Variants in PDZD8 observed in about 807,000 individuals in gnomAD.
The protein encoded by PDZD8 is PDZ domain-containing protein 8.
Under a neutral mutation model 85.8 loss-of-function variants are expected in PDZD8, and 14 were observed. The ratio of observed to expected loss-of-function variants is 0.16; its 90% CI spans 0.11 to 0.26. PDZD8 has a LOEUF of 0.26. PDZD8 is among the 10% of genes least tolerant of loss of function. The probability of loss-of-function intolerance (pLI) is 1.00; values close to 1 mark genes in which losing one functional copy is unlikely to be tolerated. For missense variants in PDZD8, 1,197 were observed against 1,424.3 expected (o/e 0.84, Z 2.57); for synonymous variants, 592 against 568.6 (o/e 1.04, Z -0.59).
chr10:117,296,909 TA>T (rs758852601), intron 3 of PDZD8, among the ~76,000 whole-genome samples: 6 of 152,060 alleles, frequency 3.9e-5, no homozygotes, highest in African/African-American at 1.4e-4. Flanking sequence ...ACAAACAGTA[TA>T]AATCTATAAA....
At chr10:117,293,848 C>A (rs887454296) in intron 3 of PDZD8, among the ~76,000 whole-genome samples, 10 of 152,064 alleles carry the variant, frequency 6.6e-5, no homozygotes, top group African/African-American at 2.4e-4. Flanking sequence ...AAAGACAGAA[C>A]TCTTACAAAG....
chr10:117,312,804 C>T (rs561971597), intron 3 of PDZD8, among the ~76,000 whole-genome samples: 9 of 152,108 alleles, frequency 5.9e-5, no homozygotes, highest in South Asian at 2.1e-4. Flanking sequence ...ATCTCATTTC[C>T]GTGTTAATTT....
At chr10:117,286,018 T>C (rs363241) in intron 4 of PDZD8, among the ~76,000 whole-genome samples, 30,962 of 152,242 alleles carry the variant, frequency 0.2, 4,224 homozygotes, top group Non-Finnish European at 0.31. Flanking sequence ...ATTCTTTTTA[T>C]CAACCGTACC....
chr10:117,375,087 G>A lies in PDZD8; in HGVS notation c.141C>T (p.Tyr47=), dbSNP rs1201708144. 1.3e-6 allele frequency: 2 copies of A among 1,599,376 alleles called. No individual in the cohort carries two copies. The highest frequency in any genetic ancestry group is 1.7e-6 in the Non-Finnish European group (2 of 1,177,168). The stretch of plus-strand genomic sequence containing the variant: ...GGAGCAGGCCCGGCACTGGCTTGAT[G>A]TAGCGGAAGCCCTCGCCCGCGCGGG... ...EAARAGEGFR[Y]IKPVPGLLLR... is the part of the protein sequence containing the mutation. The change falls in exon 1 of 5, where the codon TAC becomes TAT. Residue 47 remains tyrosine (Y), a synonymous_variant. Coordinates refer to ENST00000334464, the MANE Select transcript of PDZD8 (RefSeq NM_173791.5).
At chr10:117,304,071 C>T (rs1342294242) in intron 3 of PDZD8, among the ~76,000 whole-genome samples, 1 of 152,168 alleles carries the variant, frequency 6.6e-6, no homozygotes, top group East Asian at 1.9e-4. Flanking sequence ...ACAGCTTGTA[C>T]CATAAGCCTG....
intron 1 of PDZD8, among the ~76,000 whole-genome samples, chr10:117,365,377 T>G (rs1439809953): frequency 6.6e-6 from 1 of 152,166 alleles, no homozygotes; most frequent in Non-Finnish European, 1.5e-5. Flanking sequence ...TTGAGTATGA[T>G]CCTGCCTTTA....
chr10:117,306,149 G>T (rs1000372655), intron 3 of PDZD8, among the ~76,000 whole-genome samples: 1 of 152,102 alleles, frequency 6.6e-6, no homozygotes, highest in African/African-American at 2.4e-5. Flanking sequence ...TGATAACTTG[G>T]TTTCTAAAGC....
intron 3 of PDZD8, among the ~76,000 whole-genome samples, chr10:117,306,287 T>G (rs1425958995): frequency 6.6e-6 from 1 of 152,178 alleles, no homozygotes; most frequent in Non-Finnish European, 1.5e-5. Context: ...ATCTAAGGAA[T>G]AAAAATGATC....
intron 3 of PDZD8, among the ~76,000 whole-genome samples, chr10:117,292,320 C>A (rs148915947): frequency 1.3e-5 from 2 of 152,294 alleles, no homozygotes; most frequent in East Asian, 3.9e-4. Flanking sequence ...CCAATCCCTG[C>A]CTTATGACAC....
chr10:117,323,382 G>C (rs1435520864), intron 2 of PDZD8, among the ~76,000 whole-genome samples: 1 of 152,058 alleles, frequency 6.6e-6, no homozygotes, highest in Non-Finnish European at 1.5e-5. Flanking sequence ...ATCCTACTTT[G>C]CCTGAATATT....
intron 2 of PDZD8, among the ~76,000 whole-genome samples, chr10:117,329,516 T>C (rs867250614): frequency 2.0e-5 from 3 of 152,108 alleles, no homozygotes; most frequent in Non-Finnish European, 4.4e-5. Flanking sequence ...CGTTGAGCAG[T>C]AGGATATAAA....
chr10:117,305,471 TACACACACACACACAC>T (rs57037106), intron 3 of PDZD8, among the ~76,000 whole-genome samples: 2,612 of 141,506 alleles, frequency 0.018, 33 homozygotes, highest in Middle Eastern at 0.032. Flanking sequence ...TACACACACA[TACACACACACACACAC>T]ACACACACAC....
chr10:117,368,942 G>A (rs142334216), intron 1 of PDZD8, among the ~76,000 whole-genome samples: 4,807 of 133,092 alleles, frequency 0.036, 84 homozygotes, highest in Middle Eastern at 0.048. Flanking sequence ...TGCAACCTCC[G>A]CCTCCTGGGT....
At chr10:117,357,737 G>A (rs1361047564) in intron 1 of PDZD8, among the ~76,000 whole-genome samples, 1 of 114,394 alleles carries the variant, frequency 8.7e-6, no homozygotes, top group Admixed American at 1.3e-4. Flanking sequence ...CAGCACTCCA[G>A]TCTGGGCAAC....
At chr10:117,356,179 G>A (rs1389442290) in intron 1 of PDZD8, among the ~76,000 whole-genome samples, 1 of 151,822 alleles carries the variant, frequency 6.6e-6, no homozygotes, top group Non-Finnish European at 1.5e-5. Context: ...TGAACTGAGA[G>A]TTTCCTACAG....
At chr10:117,288,442 T>C (rs1180038098) in intron 4 of PDZD8, among the ~76,000 whole-genome samples, 2 of 152,148 alleles carry the variant, frequency 1.3e-5, no homozygotes, top group Admixed American at 6.5e-5. Context: ...TTTTCTGTTA[T>C]GTTCCAAGGT....
At chr10:117,332,364 T>A (rs945874523) in intron 2 of PDZD8, among the ~76,000 whole-genome samples, 2 of 152,124 alleles carry the variant, frequency 1.3e-5, no homozygotes, top group Non-Finnish European at 2.9e-5. Flanking sequence ...CATTTCTCCA[T>A]CCCTCGATCT....
At chr10:117,343,724 AGG>A (rs1478272698) in intron 1 of PDZD8, among the ~76,000 whole-genome samples, 1 of 152,242 alleles carries the variant, frequency 6.6e-6, no homozygotes, top group Non-Finnish European at 1.5e-5. Context: ...ACTAATGCTC[AGG>A]GGGTTTTGCT....
At chr10:117,367,639 A>C (rs1471683684) in intron 1 of PDZD8, among the ~76,000 whole-genome samples, 1 of 152,126 alleles carries the variant, frequency 6.6e-6, no homozygotes. Flanking sequence ...GAGTACACTT[A>C]GGTGTGCTAA....
Sources: gnomAD v4.1 joint callset for allele counts (sites outside exome capture counted in the v4.1 genomes callset) on GRCh38, gnomAD v4.1.1 for gene constraint, MANE v1.5 for transcripts, NCBI Gene and HGNC (gene_info 2026-07-23, HGNC 2026-07-21) for gene names.